CEP112: variants seen among roughly 807,000 people sequenced by gnomAD.
CEP112 encodes the protein centrosomal protein of 112 kDa.
In CEP112, 127 loss-of-function variants were observed where a neutral mutation model predicts 153.0. The ratio of observed to expected loss-of-function variants is 0.83; its 90% CI spans 0.72 to 0.96. The LOEUF is 0.96. Among genes scored for constraint, CEP112 ranks in the 40% least tolerant of loss-of-function variants. CEP112 has a pLI of 0.00. For synonymous variants in CEP112, 358 were observed against 374.4 expected (o/e 0.96, Z 0.51); for missense variants, 1,089 against 1,101.2 (o/e 0.99, Z 0.16).
chr17:65,908,502 C>T (rs1023843560), intron 19 of CEP112, among the ~76,000 whole-genome samples: 1 of 152,082 alleles, frequency 6.6e-6, no homozygotes, highest in East Asian at 1.9e-4. Context: ...TCAAGACCAG[C>T]CTGACCAACA....
chr17:66,027,949 C>A (rs973677905), intron 15 of CEP112, among the ~76,000 whole-genome samples: 2 of 145,958 alleles, frequency 1.4e-5, no homozygotes, highest in Non-Finnish European at 3.0e-5. Flanking sequence ...AAGAGAGAGA[C>A]AGAGGGAGAG....
intron 17 of CEP112, among the ~76,000 whole-genome samples, chr17:65,966,153 C>G (rs1301225658): frequency 6.6e-6 from 1 of 151,976 alleles, no homozygotes; most frequent in Non-Finnish European, 1.5e-5. Context: ...CTTTTTAGCT[C>G]TGATTTATTC....
At chr17:65,878,820 GA>G (rs2058945513) in intron 20 of CEP112, among the ~76,000 whole-genome samples, 1 of 149,282 alleles carries the variant, frequency 6.7e-6, no homozygotes. Flanking sequence ...GTGAAAAACA[GA>G]AGGCTCTTCC....
chr17:65,847,777 G>A (rs1299126385), intron 21 of CEP112, among the ~76,000 whole-genome samples: 1 of 152,204 alleles, frequency 6.6e-6, no homozygotes, highest in Non-Finnish European at 1.5e-5. Flanking sequence ...AAAAAAAGGT[G>A]GCATAGGTAG....
At chr17:65,640,154 A>ATATATATATATATATTTTTTTTT in intron 25 of CEP112, among the ~76,000 whole-genome samples, 1 of 78,340 alleles carries the variant, frequency 1.3e-5, no homozygotes, top group African/African-American at 7.0e-5. Context: ...ATATATATAT[A>ATATATATATATATATTTTTTTTT]TTTTTTTTTT....
At chr17:65,965,333 T>C (rs953195135) in intron 17 of CEP112, among the ~76,000 whole-genome samples, 1 of 152,206 alleles carries the variant, frequency 6.6e-6, no homozygotes, top group Non-Finnish European at 1.5e-5. Context: ...TATTGTTTTA[T>C]ACTCAATTAT....
At chr17:66,094,858 C>G (rs1249471763) in intron 8 of CEP112, among the ~76,000 whole-genome samples, 1 of 152,098 alleles carries the variant, frequency 6.6e-6, no homozygotes, top group Non-Finnish European at 1.5e-5. Context: ...AGACATTCCT[C>G]AAAAGAAGAC....
chr17:65,641,117 T>A, intron 24 of CEP112, 52 bp from the exon 25 acceptor site: 2 of 1,037,834 alleles, frequency 1.9e-6, no homozygotes, highest in Non-Finnish European at 3.0e-6. Flanking sequence ...AATGATTGTT[T>A]TGGATTTAAG....
At chr17:66,168,547 GTA>G (rs140897554) in intron 4 of CEP112, among the ~76,000 whole-genome samples, 70 of 148,882 alleles carry the variant, frequency 4.7e-4, no homozygotes, top group Non-Finnish European at 6.3e-4. Context: ...GTGTGTGTGT[GTA>G]TATATATATA....
intron 21 of CEP112, among the ~76,000 whole-genome samples, chr17:65,840,872 T>C (rs2057490047): frequency 6.6e-6 from 1 of 151,982 alleles, no homozygotes; most frequent in Non-Finnish European, 1.5e-5. Context: ...AAAGAACACA[T>C]ACAAATTGCC....
At position 66,027,472 on chromosome 17, in the gene CEP112, T is replaced by A; in HGVS notation, c.1656+29A>T. ...TTAATGCCTCATTTGCTATTTTAAA[T>A]ATTTTATAGCTTCCATAAAACATAT... On this transcript the variant is annotated intron_variant, in intron 16 of 26. Coordinates refer to ENST00000535342, the MANE Select transcript of CEP112 (RefSeq NM_001199165.4). 3 of 1,343,972 alleles carry A rather than the reference T, an allele frequency of 2.2e-6. No homozygotes were observed. The South Asian group carries it at 4.1e-5, about 18-fold the overall frequency. 83.3% of individuals were successfully genotyped at this position (1,343,972 alleles called of 1,614,324 possible). A position where few individuals can be genotyped will look rare whatever the true frequency, so the allele number is the denominator to read the frequency against.
At chr17:65,870,061 G>GAAAGAAAGAAAGA (rs2058611387) in intron 20 of CEP112, among the ~76,000 whole-genome samples, 4 of 71,888 alleles carry the variant, frequency 5.6e-5, no homozygotes, top group African/African-American at 7.9e-5. Context: ...AAGAAAGAAA[G>GAAAGAAAGAAAGA]AAAGAAAGAA....
chr17:66,092,108 C>A (rs888923485), intron 8 of CEP112, among the ~76,000 whole-genome samples: 8 of 149,356 alleles, frequency 5.4e-5, no homozygotes, highest in Non-Finnish European at 8.9e-5. Flanking sequence ...GTAGTGCGAT[C>A]TTCTCACTGC....
intron 1 of CEP112, among the ~76,000 whole-genome samples, chr17:66,190,309 CA>C (rs35433446): frequency 0.02 from 2,428 of 119,186 alleles, 56 homozygotes; most frequent in African/African-American, 0.071. Context: ...AGCTCCGTCT[CA>C]AAAAAAAAAA....
At chr17:65,863,044 T>C (rs543260735) in intron 20 of CEP112, among the ~76,000 whole-genome samples, 6 of 152,268 alleles carry the variant, frequency 3.9e-5, no homozygotes, top group Non-Finnish European at 5.9e-5. Context: ...AATTATGTAT[T>C]GTTAATATTA....
At chr17:66,032,033 T>C (rs4790919) in intron 12 of CEP112, among the ~76,000 whole-genome samples, 78,265 of 151,950 alleles carry the variant, frequency 0.52, 21,085 homozygotes, top group African/African-American at 0.59. Flanking sequence ...TCTTTTTCTT[T>C]TTGGAGATGG....
intron 19 of CEP112, among the ~76,000 whole-genome samples, chr17:65,911,328 A>T (rs1034375474): frequency 1.3e-5 from 2 of 152,210 alleles, no homozygotes; most frequent in African/African-American, 4.8e-5. Context: ...TGTATAAATA[A>T]TACTATGGTT....
intron 6 of CEP112, among the ~76,000 whole-genome samples, chr17:66,102,610 A>C (rs904744925): frequency 6.6e-6 from 1 of 151,334 alleles, no homozygotes; most frequent in Non-Finnish European, 1.5e-5. Context: ...ATCCTGGCTA[A>C]CATGGTGAAA....
At chr17:66,105,137 G>C (rs2068729463) in intron 6 of CEP112, among the ~76,000 whole-genome samples, 1 of 152,150 alleles carries the variant, frequency 6.6e-6, no homozygotes, top group African/African-American at 2.4e-5. Flanking sequence ...GTTAAAAAGT[G>C]GGGGGATGAA....
Sources: gnomAD v4.1 joint callset for allele counts (sites outside exome capture counted in the v4.1 genomes callset) on GRCh38, gnomAD v4.1.1 for gene constraint, MANE v1.5 for transcripts, NCBI Gene and HGNC (gene_info 2026-07-23, HGNC 2026-07-21) for gene names.